Variants in ZNF771 observed in about 807,000 individuals in gnomAD.
ZNF771 encodes mesenchymal stem cell protein DSC43.
In ZNF771, 10 loss-of-function variants were observed where a neutral mutation model predicts 27.6. The ratio of observed to expected loss-of-function variants is 0.36; its 90% CI spans 0.22 to 0.61. ZNF771 has a LOEUF of 0.61. Ranked by LOEUF, ZNF771 falls within the 20% of genes least tolerant of loss-of-function variation. ZNF771 has a pLI of 0.70. For synonymous variants in ZNF771, 261 were observed against 225.2 expected, an observed-to-expected ratio of 1.16 and a Z score of -1.43; for missense variants, 438 against 503.7, an observed-to-expected ratio of 0.87 and a Z score of 1.25.
chr16:30,413,342 C>T (rs1450866201), intron 2 of ZNF771, among the ~76,000 whole-genome samples: 3 of 152,128 alleles, frequency 2.0e-5, no homozygotes, highest in Non-Finnish European at 4.4e-5. Context: ...ATGTGTATTG[C>T]TCATATGTTG....
At chr16:30,408,448 C>A (rs763028883) in intron 2 of ZNF771, among the ~76,000 whole-genome samples, 1 of 152,102 alleles carries the variant, frequency 6.6e-6, no homozygotes, top group Non-Finnish European at 1.5e-5. Context: ...TGATGTTAGA[C>A]TGAAGGGTAA....
chr16:30,412,647 C>A (rs922177299), intron 2 of ZNF771, among the ~76,000 whole-genome samples: 1 of 152,154 alleles, frequency 6.6e-6, no homozygotes, highest in Non-Finnish European at 1.5e-5. Context: ...CAAAAATTAG[C>A]CGGGTGTGGT....
intron 2 of ZNF771, chr16:30,413,531 A>T: frequency 3.1e-6 from 1 of 323,748 alleles, no homozygotes; most frequent in South Asian, 2.3e-5. Context: ...AAGTTTGCCC[A>T]CATACCACCT....
intron 2 of ZNF771, 123 bp downstream of exon 2, chr16:30,408,317 G>T: frequency 7.2e-7 from 1 of 1,383,822 alleles, no homozygotes; most frequent in South Asian, 1.3e-5. Context: ...AAAACCTCAG[G>T]ATTGGCCCAT....
chr16:30,409,664 G>T, intron 2 of ZNF771, among the ~76,000 whole-genome samples: 1 of 152,298 alleles, frequency 6.6e-6, no homozygotes, highest in East Asian at 1.9e-4. Context: ...GGGCCTGCTG[G>T]GTGCTGGGGG....
intron 2 of ZNF771, among the ~76,000 whole-genome samples, chr16:30,415,744 G>A (rs561296745): frequency 1.3e-5 from 2 of 152,240 alleles, no homozygotes; most frequent in African/African-American, 2.4e-5. Flanking sequence ...TAATTACCTC[G>A]TGGAGATCGA....
Position 30,418,225 on chromosome 16 carries a change from G to T in ZNF771, c.812G>T (p.Ser271Ile). ...GAGTGCGGCCGCCGCTTCCGCCTAA[G>T]CTCGCACTTCATTCGCCACCGACGC... ...CAECGRRFRL[S>I]SHFIRHRRAH... The change falls in exon 3 of 3, where the codon AGC becomes ATC. Residue 271 changes from serine (S) to isoleucine (I), a missense_variant. Ser to Ile is a moderately radical substitution (Grantham distance 142). This residue lies in a region of ZNF771 where 305 missense variants were observed against 308.0 expected (regional missense o/e 0.99). Transcript: ENST00000319296. 1 of 1,514,718 alleles carries T rather than the reference G, an allele frequency of 6.6e-7. No individual in the cohort carries two copies. Among genetic ancestry groups the T allele is most frequent in the East Asian group, 2.6e-5 (1 of 37,886 alleles). 93.8% of individuals were successfully genotyped at this position (1,514,718 alleles called of 1,614,324 possible).
chr16:30,417,242 G>C (rs1449803352), intron 2 of ZNF771, among the ~76,000 whole-genome samples: 1 of 152,204 alleles, frequency 6.6e-6, no homozygotes, highest in African/African-American at 2.4e-5. Context: ...CATTATTTCT[G>C]AAAGCAGGAA....
At chr16:30,414,310 T>TG (rs1480057255) in intron 2 of ZNF771, 1 of 152,218 alleles carries the variant, frequency 6.6e-6, no homozygotes, top group East Asian at 1.9e-4. Flanking sequence ...GAATCCCTCT[T>TG]GGAGTGTGCC....
At chr16:30,409,344 T>C (rs921654392) in intron 2 of ZNF771, among the ~76,000 whole-genome samples, 1 of 152,086 alleles carries the variant, frequency 6.6e-6, no homozygotes, top group Non-Finnish European at 1.5e-5. Flanking sequence ...GGTGGTTCGG[T>C]CATGCTGTAG....
chr16:30,407,996 G>C (rs1181207553), intron 1 of ZNF771, 49 bp from the exon 2 acceptor site: 41 of 891,272 alleles, frequency 4.6e-5, no homozygotes, highest in Admixed American at 5.9e-5. Context: ...GCGGGGGGGG[G>C]GGTGGGGGGG....
chr16:30,408,523 A>C (rs958272394), intron 2 of ZNF771, among the ~76,000 whole-genome samples: 3 of 152,158 alleles, frequency 2.0e-5, no homozygotes, highest in Non-Finnish European at 1.5e-5. Flanking sequence ...TAGAAGTGGG[A>C]ACTTAACTCA....
chr16:30,407,997 G>GT (rs1247345123), intron 1 of ZNF771, 48 bp from the exon 2 acceptor site: 22 of 884,036 alleles, frequency 2.5e-5, no homozygotes, highest in South Asian at 3.3e-5. Flanking sequence ...CGGGGGGGGG[G>GT]GTGGGGGGGG....
chr16:30,417,069 C>T (rs571557210), intron 2 of ZNF771, among the ~76,000 whole-genome samples: 1 of 152,302 alleles, frequency 6.6e-6, no homozygotes, highest in East Asian at 1.9e-4. Context: ...AGGCAACTCC[C>T]GCCTCTGCGC....
chr16:30,413,194 C>T (rs1204475830), intron 2 of ZNF771, among the ~76,000 whole-genome samples: 2 of 152,206 alleles, frequency 1.3e-5, no homozygotes, highest in Admixed American at 6.5e-5. Context: ...TATTACACTA[C>T]ATTGTATGTT....
chr16:30,408,722 T>A (rs1314369078), intron 2 of ZNF771, among the ~76,000 whole-genome samples: 1 of 152,182 alleles, frequency 6.6e-6, no homozygotes. Flanking sequence ...GCCACAGGTC[T>A]CAAAGTAAAA....
At chr16:30,416,736 C>A (rs932655704) in intron 2 of ZNF771, among the ~76,000 whole-genome samples, 1 of 152,010 alleles carries the variant, frequency 6.6e-6, no homozygotes, top group Non-Finnish European at 1.5e-5. Flanking sequence ...GATATGGTCA[C>A]TTCCCTGCTC....
chr16:30,417,865 A>G lies in ZNF771; in HGVS notation c.452A>G (p.His151Arg). The G allele has an allele frequency of 6.6e-7, 1 of 1,503,986 alleles. No individual in the cohort carries two copies. The highest frequency in any genetic ancestry group is 8.8e-7 in the Non-Finnish European group (1 of 1,135,466). The allele number at this position is 1,503,986 out of a possible 1,614,324, so 93.2% of individuals were successfully genotyped here. A position where few individuals can be genotyped will look rare whatever the true frequency, so the allele number is the denominator to read the frequency against. ...HTGEKPYACA[H>R]CGRRFAQSSN... Reference sequence around the variant, plus strand: ...GGCGAGAAGCCGTACGCATGCGCGCACTGCGGCCGCCGCTTCGCGCAGAGC... The same window carrying G: ...GGCGAGAAGCCGTACGCATGCGCGCGCTGCGGCCGCCGCTTCGCGCAGAGC... Residue 151 changes from histidine to arginine, a missense_variant, in exon 3 of 3, where the codon CAC becomes CGC. By Grantham distance (29) the His-to-Arg change is conservative. This residue lies in a region of ZNF771 where 305 missense variants were observed against 308.0 expected (regional missense o/e 0.99). Coordinates refer to ENST00000319296, the MANE Select transcript of ZNF771 (RefSeq NM_001142305.2).
In ZNF771 at chr16:30,419,176, CA is replaced by C. The variant is rs2050154267; in HGVS notation, c.*811del. 1 of 152,116 alleles carries C rather than the reference CA, an allele frequency of 6.6e-6. No individual in the cohort carries two copies. The highest frequency in any genetic ancestry group is 1.9e-4 in the East Asian group (1 of 5,178). 9.4% of individuals were successfully genotyped at this position (152,116 alleles called of 1,614,324 possible). A position where few individuals can be genotyped will look rare whatever the true frequency, so the allele number is the denominator to read the frequency against. On this transcript the variant is annotated 3_prime_UTR_variant, in exon 3 of 3. Transcript: ENST00000319296. Reference sequence around the variant, plus strand: ...ACTTGAACCTGGGAGACAGAGGTTGCAATGAACCGAGATAGTGCCATTGCAC... The same window carrying C: ...ACTTGAACCTGGGAGACAGAGGTTGCATGAACCGAGATAGTGCCATTGCAC...
Sources: gnomAD v4.1 joint callset for allele counts (sites outside exome capture counted in the v4.1 genomes callset) on GRCh38, gnomAD v4.1.1 for gene constraint, gnomAD v4.1.1 regional missense constraint, MANE v1.5 for transcripts, NCBI Gene and HGNC (gene_info 2026-07-23, HGNC 2026-07-21) for gene names.